CDH23: variants seen among roughly 807,000 people sequenced by gnomAD.
CDH23 encodes cadherin-23.
In CDH23, 189 loss-of-function variants were observed where a neutral mutation model predicts 317.1. That is an observed-to-expected ratio of 0.60 (90% CI 0.53 to 0.67). CDH23 has a LOEUF of 0.67. Among genes scored for constraint, CDH23 ranks in the 30% least tolerant of loss-of-function variants. The pLI is 0.00. For missense variants in CDH23, 4,401 were observed against 4,592.4 expected (o/e 0.96, Z 1.20); for synonymous variants, 1,839 against 1,876.8 (o/e 0.98, Z 0.52).
chr10:71,669,433 C>T (rs186405722), intron 14 of CDH23, among the ~76,000 whole-genome samples: 72 of 151,890 alleles, frequency 4.7e-4, no homozygotes, highest in Admixed American at 1.2e-3. Flanking sequence ...CCTTGGTGAT[C>T]TGTCTCCCCA....
intron 57 of CDH23, 50 bp downstream of exon 57, chr10:71,806,331 T>C (rs1356614970): frequency 7.7e-7 from 1 of 1,299,424 alleles, no homozygotes; most frequent in South Asian, 1.3e-5. Context: ...GGGACTCACC[T>C]GCCTGCAAGC....
chr10:71,587,686 T>A (rs1859176922), intron 9 of CDH23, among the ~76,000 whole-genome samples: 1 of 152,142 alleles, frequency 6.6e-6, no homozygotes, highest in Non-Finnish European at 1.5e-5. Flanking sequence ...AGCTCCCACC[T>A]CAGAAAAGGT....
At chr10:71,545,470 G>A (rs1400719126) in intron 6 of CDH23, among the ~76,000 whole-genome samples, 1 of 152,218 alleles carries the variant, frequency 6.6e-6, no homozygotes, top group Non-Finnish European at 1.5e-5. Context: ...TCCATAAGGA[G>A]ACCCGATGCT....
rs780870909 is a variant in CDH23 at position 71,741,999 on chromosome 10, G to A, written c.4845+78G>A. On this transcript the variant is annotated intron_variant, in intron 38 of 69. Transcript: ENST00000224721. ...CCTCCGAGTGAGGGGAACAAGATGG[G>A]TGAGAATGGAATTCCACACAGCAGG... is the stretch of plus-strand genomic sequence containing the variant. The A allele has an allele frequency of 8.4e-5, 99 of 1,177,668 alleles. No individual in the cohort carries two copies. The African/African-American group carries it at 1.3e-3, about 15-fold the overall frequency. The allele number at this position is 1,177,668 out of a possible 1,614,324, so 73.0% of individuals were successfully genotyped here. A position where few individuals can be genotyped will look rare whatever the true frequency, so the allele number is the denominator to read the frequency against.
chr10:71,515,010 C>T (rs1282925417), intron 6 of CDH23, among the ~76,000 whole-genome samples: 8 of 152,240 alleles, frequency 5.3e-5, no homozygotes, highest in Admixed American at 5.2e-4. Flanking sequence ...GCACTGCCCC[C>T]TCCCTGCTCC....
chr10:71,815,103 TCAA>T lies in CDH23; in HGVS notation c.9893_9895del (p.Asn3298del). 1 of 1,611,292 alleles carries T rather than the reference TCAA, an allele frequency of 6.2e-7. No individual in the cohort carries two copies. Among genetic ancestry groups the T allele is most frequent in the South Asian group, 1.1e-5 (1 of 90,756 alleles). On this transcript the variant is annotated inframe_deletion, in exon 70 of 70. Coordinates refer to ENST00000224721, the MANE Select transcript of CDH23 (RefSeq NM_022124.6). ...ACGGGCACGCTGCTGGCCACCGACC[TCAA>T]CAGCCTGCCCGAGGAAGACCAGAAG...
intron 62 of CDH23, among the ~76,000 whole-genome samples, chr10:71,811,036 T>C: frequency 7.7e-6 from 1 of 130,432 alleles, no homozygotes; most frequent in Non-Finnish European, 1.5e-5. Context: ...GCTGAGATCA[T>C]GCCACACTGC....
intron 6 of CDH23, among the ~76,000 whole-genome samples, chr10:71,531,960 C>T (rs976499503): frequency 2.0e-5 from 3 of 152,112 alleles, no homozygotes; most frequent in Non-Finnish European, 2.9e-5. Flanking sequence ...CTGGACTAAA[C>T]GTTTCTCAGT....
chr10:71,702,159 C>T lies in CDH23; in HGVS notation c.2535C>T (p.Pro845=), dbSNP rs778363825. 1.4e-5 allele frequency: 23 copies of T among 1,613,786 alleles called. No homozygotes were observed. Among genetic ancestry groups the T allele is most frequent in the Admixed American group, 5.0e-5 (3 of 59,996 alleles). The change falls in exon 23 of 70, where the codon CCC becomes CCT. Residue 845 remains proline (P), a synonymous_variant. Transcript: ENST00000224721. ...TTHAMLDREN[P]DPHEAELMRK... is the part of the protein sequence containing the mutation. ...ACGCCATGCTGGACCGGGAGAACCC[C>T]GACCCCCATGAGGCCGAGCTGATGC...
chr10:71,451,398 G>A (rs1033981169), intron 3 of CDH23, among the ~76,000 whole-genome samples: 7 of 152,208 alleles, frequency 4.6e-5, no homozygotes, highest in African/African-American at 7.2e-5. Context: ...ATGGCAACCA[G>A]GCTGTTTGCA....
At chr10:71,649,435 T>C (rs912105661) in intron 14 of CDH23, among the ~76,000 whole-genome samples, 3 of 152,240 alleles carry the variant, frequency 2.0e-5, no homozygotes, top group Non-Finnish European at 4.4e-5. Flanking sequence ...GGCGTGGCCC[T>C]GCTTCAGTGG....
chr10:71,639,723 G>A (rs1217563165), intron 11 of CDH23, among the ~76,000 whole-genome samples: 2 of 152,194 alleles, frequency 1.3e-5, no homozygotes, highest in South Asian at 4.1e-4. Context: ...TGGTTAAGGT[G>A]TGTGACGCCT....
At position 71,777,754 on chromosome 10, in the gene CDH23, G is replaced by T. The variant is rs988778282; in HGVS notation, c.4920G>T (p.Glu1640Asp). The T allele has an allele frequency of 6.2e-7, 1 of 1,613,794 alleles. No homozygotes were observed. Among genetic ancestry groups the T allele is most frequent in the Non-Finnish European group, 8.5e-7 (1 of 1,179,844 alleles). ...CCATGTTCCAGCAGCCCCACTATGAGGTGCTGCTGGATGAGGGCCCAGACA... is the reference window on the plus strand; with the variant it reads ...CCATGTTCCAGCAGCCCCACTATGATGTGCTGCTGGATGAGGGCCCAGACA... ...NAPMFQQPHY[E>D]VLLDEGPDTL... The change falls in exon 39 of 70, where the codon GAG (glutamate) becomes GAT (aspartate). Residue 1640 changes from glutamate to aspartate, a missense_variant. Glu to Asp is a conservative substitution (Grantham distance 45). Around this residue, in one of 3 missense-constraint regions of CDH23, gnomAD observed 3,068 missense variants for 3,203.3 expected, o/e 0.96. Coordinates refer to ENST00000224721, the MANE Select transcript of CDH23 (RefSeq NM_022124.6).
intron 9 of CDH23, among the ~76,000 whole-genome samples, chr10:71,606,600 G>T (rs1463942792): frequency 6.6e-6 from 1 of 152,204 alleles, no homozygotes; most frequent in Admixed American, 6.5e-5. Flanking sequence ...GGCACTTGGG[G>T]AAACCAGTCC....
intron 60 of CDH23, 128 bp downstream of exon 60, chr10:71,808,135 C>A (rs1259526688): frequency 9.0e-7 from 1 of 1,115,646 alleles, no homozygotes; most frequent in Non-Finnish European, 1.3e-6. Flanking sequence ...GCCAGCCACA[C>A]CAATCCTATT....
chr10:71,759,944 C>CATATAT (rs1564779409), intron 38 of CDH23, among the ~76,000 whole-genome samples: 1 of 123,820 alleles, frequency 8.1e-6, no homozygotes, highest in Non-Finnish European at 1.8e-5. Context: ...TATACACACA[C>CATATAT]ACATATATAT....
intron 10 of CDH23, 61 bp downstream of exon 10, chr10:71,615,677 C>A: frequency 8.2e-7 from 1 of 1,222,310 alleles, no homozygotes; most frequent in Non-Finnish European, 1.2e-6. Flanking sequence ...CGGATGCCAA[C>A]CTCCAGCAGT....
intron 38 of CDH23, among the ~76,000 whole-genome samples, chr10:71,767,481 C>T (rs1212751853): frequency 6.6e-6 from 1 of 152,214 alleles, no homozygotes; most frequent in Non-Finnish European, 1.5e-5. Flanking sequence ...AAGGTCCCGT[C>T]CTTGGTCTCA....
intron 11 of CDH23, among the ~76,000 whole-genome samples, chr10:71,642,705 C>T (rs1862617862): frequency 1.3e-5 from 2 of 152,160 alleles, no homozygotes; most frequent in African/African-American, 4.8e-5. Flanking sequence ...CGGCCTGGGC[C>T]CGGCCTCTTA....
Sources: allele counts gnomAD v4.1 joint callset (sites outside exome capture counted in the v4.1 genomes callset), GRCh38; gene constraint gnomAD v4.1.1; regional missense constraint gnomAD v4.1.1; transcripts MANE v1.5; gene names NCBI Gene and HGNC (gene_info 2026-07-23, HGNC 2026-07-21).